The following EFCAB6 variants were observed in gnomAD, a reference collection of about 807,000 sequenced individuals.
EFCAB6 encodes the protein EF-hand calcium-binding domain-containing protein 6.
A neutral mutation model predicts 169.8 loss-of-function variants in EFCAB6; 156 were observed. That is an observed-to-expected ratio of 0.92 (90% CI 0.81 to 1.05). The LOEUF (loss-of-function observed/expected upper bound fraction) is 1.05. Ranked by LOEUF, EFCAB6 falls within the 50% of genes least tolerant of loss-of-function variation. EFCAB6 has a pLI of 0.00. For missense variants in EFCAB6, 1,800 were observed against 1,829.1 expected (o/e 0.98, Z 0.29); for synonymous variants, 698 against 676.4 (o/e 1.03, Z -0.50).
At chr22:43,738,827 A>C (rs1216077821) in intron 6 of EFCAB6, among the ~76,000 whole-genome samples, 2 of 152,096 alleles carry the variant, frequency 1.3e-5, no homozygotes, top group Non-Finnish European at 2.9e-5. Flanking sequence ...CCCATTCCCC[A>C]CACCCACTTG....
chr22:43,711,738 A>G, intron 9 of EFCAB6, 115 bp from the exon 10 acceptor site: 1 of 1,279,404 alleles, frequency 7.8e-7, no homozygotes, highest in African/African-American at 1.5e-5. Context: ...AAAACTGATC[A>G]AAAAGGTTAC....
chr22:43,673,513 A>C (rs2057585978), intron 13 of EFCAB6, among the ~76,000 whole-genome samples: 1 of 152,172 alleles, frequency 6.6e-6, no homozygotes, highest in Admixed American at 6.5e-5. Context: ...CAGTGGCTCA[A>C]GCCTGTAATC....
At chr22:43,676,243 C>T (rs2057752249) in intron 13 of EFCAB6, among the ~76,000 whole-genome samples, 1 of 151,798 alleles carries the variant, frequency 6.6e-6, no homozygotes. Flanking sequence ...TGGTGAAACC[C>T]CGTCTCTACT....
intron 4 of EFCAB6, among the ~76,000 whole-genome samples, chr22:43,766,653 T>C (rs2061334951): frequency 6.6e-6 from 1 of 152,060 alleles, no homozygotes; most frequent in Non-Finnish European, 1.5e-5. Flanking sequence ...AGCTTGGGAC[T>C]ACAGGTGTTC....
chr22:43,612,864 A>C (rs1161099655), intron 21 of EFCAB6, among the ~76,000 whole-genome samples: 1 of 151,720 alleles, frequency 6.6e-6, no homozygotes, highest in Non-Finnish European at 1.5e-5. Flanking sequence ...ACTGCACTCC[A>C]GCCTGGCAGA....
intron 15 of EFCAB6, among the ~76,000 whole-genome samples, chr22:43,671,577 T>TA (rs1334384416): frequency 1.3e-5 from 2 of 152,136 alleles, no homozygotes; most frequent in African/African-American, 2.4e-5. Flanking sequence ...TCTTGAACAA[T>TA]ACAAGATATT....
intron 8 of EFCAB6, among the ~76,000 whole-genome samples, chr22:43,730,382 T>C (rs1384087778): frequency 3.3e-5 from 5 of 149,574 alleles, no homozygotes; most frequent in African/African-American, 1.2e-4. Context: ...CTCAGACTTT[T>C]CCACAATCAG....
At chr22:43,731,052 G>T (rs766815475) in intron 8 of EFCAB6, among the ~76,000 whole-genome samples, 6 of 152,252 alleles carry the variant, frequency 3.9e-5, no homozygotes, top group South Asian at 2.1e-4. Flanking sequence ...TGAGGAAAAT[G>T]ACCAAAGGCT....
chr22:43,600,995 C>G (rs897673291), intron 22 of EFCAB6, among the ~76,000 whole-genome samples: 1 of 152,142 alleles, frequency 6.6e-6, no homozygotes, highest in Non-Finnish European at 1.5e-5. Flanking sequence ...GAATACTTAC[C>G]TGTGAAAGGA....
intron 8 of EFCAB6, among the ~76,000 whole-genome samples, chr22:43,718,474 C>G (rs2059411497): frequency 6.6e-6 from 1 of 152,106 alleles, no homozygotes; most frequent in South Asian, 2.1e-4. Flanking sequence ...TAATAAAAGA[C>G]AAAGTTGGTC....
In EFCAB6 at chr22:43,537,542, G is replaced by C. The variant is rs955162091; in HGVS notation, c.3883C>G (p.Pro1295Ala). 6.2e-7 allele frequency: 1 copy of C among 1,608,410 alleles called. No homozygotes were observed. The highest frequency in any genetic ancestry group is 2.2e-5 in the East Asian group (1 of 44,840). ...CCCGGGATCACGGTGGTGCTCGCTGGAGTCTAGCAGGGAAGAAAAGAAAAG... is the reference window on the plus strand; with the variant it reads ...CCCGGGATCACGGTGGTGCTCGCTGCAGTCTAGCAGGGAAGAAAAGAAAAG... Reference protein sequence around the residue: ...GSKSQSHPCTPASTTVIPGTP... With the variant: ...GSKSQSHPCTAASTTVIPGTP... Residue 1295 changes from proline to alanine, a missense_variant, in exon 29 of 32, where the codon CCA becomes GCA. Coordinates refer to ENST00000262726, the MANE Select transcript of EFCAB6 (RefSeq NM_022785.4). The surrounding 1 kb of genome is among the most constrained non-coding windows in gnomAD (Gnocchi z 4.3).
At chr22:43,741,992 C>A (rs951897820) in intron 6 of EFCAB6, among the ~76,000 whole-genome samples, 6 of 152,088 alleles carry the variant, frequency 3.9e-5, no homozygotes, top group Non-Finnish European at 8.8e-5. Context: ...GAGGGAAAAA[C>A]CGCTGAACCG....
At chr22:43,605,005 AAG>A (rs1170998681) in intron 22 of EFCAB6, among the ~76,000 whole-genome samples, 1 of 152,124 alleles carries the variant, frequency 6.6e-6, no homozygotes, top group African/African-American at 2.4e-5. Context: ...TTTAGATTCA[AAG>A]AGTTGAATTC....
At chr22:43,733,684 C>T (rs2060034005) in intron 7 of EFCAB6, among the ~76,000 whole-genome samples, 1 of 152,058 alleles carries the variant, frequency 6.6e-6, no homozygotes, top group Non-Finnish European at 1.5e-5. Flanking sequence ...AGTCTTCATC[C>T]CAGCCCTGAG....
intron 12 of EFCAB6, among the ~76,000 whole-genome samples, chr22:43,680,882 A>G (rs1239447234): frequency 1.3e-5 from 2 of 152,246 alleles, no homozygotes; most frequent in Non-Finnish European, 2.9e-5. Context: ...AGAATTTTCT[A>G]CACACAAGAT....
At chr22:43,774,133 A>T (rs1473930792) in intron 3 of EFCAB6, among the ~76,000 whole-genome samples, 2 of 151,862 alleles carry the variant, frequency 1.3e-5, no homozygotes, top group Admixed American at 6.6e-5. Context: ...GGGAGGGAGG[A>T]TGCTAGTTCT....
At chr22:43,786,944 A>C (rs1445081211) in intron 2 of EFCAB6, among the ~76,000 whole-genome samples, 2 of 152,152 alleles carry the variant, frequency 1.3e-5, no homozygotes, top group Admixed American at 1.3e-4. Flanking sequence ...ATTATTAATC[A>C]AGGAAAAAAA....
Position 43,683,790 on chromosome 22 carries a change from T to C in EFCAB6, c.1208A>G (p.Asp403Gly). 1.2e-6 allele frequency: 2 copies of C among 1,613,834 alleles called. No homozygotes were observed. The highest frequency in any genetic ancestry group is 1.7e-6 in the Non-Finnish European group (2 of 1,179,722). ...TGCTTTCTTCAGTGACGCAGAGTGA[T>C]CTTCAGTGTGTCTAAATAACTTTGT... is the stretch of plus-strand genomic sequence containing the variant. ...IITKLFRHTE[D>G]HSASLKKALL... Residue 403 changes from aspartate to glycine, a missense_variant, in exon 12 of 32, where the codon GAT becomes GGT. Transcript: ENST00000262726.
At chr22:43,654,410 T>C (rs901005844) in intron 17 of EFCAB6, among the ~76,000 whole-genome samples, 14 of 152,170 alleles carry the variant, frequency 9.2e-5, no homozygotes, top group Non-Finnish European at 2.1e-4. Context: ...CAAAGTCAGG[T>C]AACACACTTC....
Sources: allele counts gnomAD v4.1 joint callset (sites outside exome capture counted in the v4.1 genomes callset), GRCh38; gene constraint gnomAD v4.1.1; non-coding constraint Gnocchi (gnomAD v3.1); transcripts MANE v1.5; gene names NCBI Gene and HGNC (gene_info 2026-07-23, HGNC 2026-07-21).